Variants in OTOA observed in about 807,000 individuals in gnomAD.
OTOA encodes the protein cancer/testis antigen 108.
In OTOA, 70 loss-of-function variants were observed where a neutral mutation model predicts 110.8. That is an observed-to-expected ratio of 0.63 (90% CI 0.52 to 0.77). The LOEUF (loss-of-function observed/expected upper bound fraction) is 0.77. Among genes scored for constraint, OTOA ranks in the 30% least tolerant of loss-of-function variants. The pLI is 0.00. For missense variants in OTOA, 917 were observed against 1,075.8 expected (o/e 0.85, Z 2.06); for synonymous variants, 373 against 431.5 (o/e 0.86, Z 1.68).
At position 21,726,538 on chromosome 16, in the gene OTOA, T is replaced by C; in HGVS notation, c.1896T>C (p.Ala632=). The C allele has an allele frequency of 6.2e-7, 1 of 1,613,934 alleles. No homozygotes were observed. Among genetic ancestry groups the C allele is most frequent in the Non-Finnish European group, 8.5e-7 (1 of 1,180,026 alleles). Residue 632 remains alanine (A), a synonymous_variant, in exon 19 of 29, where the codon GCT becomes GCC. Coordinates refer to ENST00000646100, the MANE Select transcript of OTOA (RefSeq NM_144672.4). ...LLAALPARYL[A]SVPASQCVPF... is the part of the protein sequence containing the mutation. ...CTCTCTCCAGGGCCCGCTACCTGGC[T>C]TCTGTCCCAGCCTCCCAGTGTGTGC...
Position 21,697,789 on chromosome 16 carries a change from T to C in OTOA, c.754T>C (p.Trp252Arg). ...SSNATDDSAS[W>R]VSAEHLWVLG... ...ATTTTTTGTAGATGACTCTGCTTCA[T>C]GGGTCAGTGCGGAACACTTATGGGT... is the stretch of plus-strand genomic sequence containing the variant. Residue 252 changes from tryptophan (W) to arginine (R), a missense_variant, in exon 10 of 29, where the codon TGG becomes CGG. Trp to Arg is a moderately radical substitution (Grantham distance 101). Around this residue, in one of 6 missense-constraint regions of OTOA, gnomAD observed 840 missense variants for 910.2 expected, o/e 0.92. Coordinates refer to ENST00000646100, the MANE Select transcript of OTOA (RefSeq NM_144672.4). The C allele has an allele frequency of 6.2e-7, 1 of 1,614,128 alleles. No homozygotes were observed.
At chr16:21,729,635 C>G (rs796764079) in intron 20 of OTOA, 23 of 152,318 alleles carry the variant, frequency 1.5e-4, no homozygotes, top group African/African-American at 5.5e-4. Flanking sequence ...AGTATTTTCA[C>G]TGCCCTAAAA....
chr16:21,685,495 C>T (rs952949448), intron 7 of OTOA, 134 bp downstream of exon 7: 20 of 1,279,710 alleles, frequency 1.6e-5, no homozygotes, highest in Non-Finnish European at 1.9e-5. Context: ...CTCCTCCAAC[C>T]CCCTGGGGGC....
chr16:21,717,783 G>A (rs952353706), intron 15 of OTOA, among the ~76,000 whole-genome samples: 4 of 152,046 alleles, frequency 2.6e-5, no homozygotes, highest in South Asian at 2.1e-4. Flanking sequence ...CCAACAGTGC[G>A]CCAGGCACTG....
rs549632699 is a variant in OTOA, at chr16:21,711,743, A to G, written c.1320+1640A>G. Among the ~76,000 whole-genome samples, 54 of 152,224 alleles carry G rather than the reference A, an allele frequency of 3.5e-4. No individual in the cohort carries two copies. The South Asian group carries it at 0.011, about 31-fold the overall frequency. ...CAGCCTCCCAAAGTGCTGGGATTAC[A>G]GGCATTAGCCACCGTGCCTGGCTTT... On this transcript the variant is annotated intron_variant, in intron 13 of 28. Coordinates refer to ENST00000646100, the MANE Select transcript of OTOA (RefSeq NM_144672.4).
chr16:21,729,458 T>C (rs1450161842), intron 20 of OTOA: 2 of 152,156 alleles, frequency 1.3e-5, no homozygotes, highest in South Asian at 4.1e-4. Context: ...CCCACCAAAG[T>C]TGTACATTTG....
chr16:21,686,770 G>A (rs1235724483), intron 7 of OTOA, among the ~76,000 whole-genome samples: 1 of 152,164 alleles, frequency 6.6e-6, no homozygotes, highest in East Asian at 1.9e-4. Context: ...GTGTGTGCCT[G>A]TAGTCCCAGC....
In OTOA at chr16:21,746,907, A is replaced by G. The variant is rs1253171107; in HGVS notation, c.2775+1871A>G. On this transcript the variant is annotated intron_variant, in intron 24 of 28. Coordinates refer to ENST00000646100, the MANE Select transcript of OTOA (RefSeq NM_144672.4). Reference sequence around the variant, plus strand: ...TTTGTAATCACGGTGGCCATGTTTCATAACTCTGAGTGGCACCATTCAAAC... The same window carrying G: ...TTTGTAATCACGGTGGCCATGTTTCGTAACTCTGAGTGGCACCATTCAAAC... 2.0e-5 allele frequency among the ~76,000 whole-genome samples: 3 copies of G among 152,422 alleles called. No individual in the cohort carries two copies. The South Asian group carries it at 6.2e-4, about 32-fold the overall frequency.
intron 21 of OTOA, among the ~76,000 whole-genome samples, chr16:21,732,865 A>G (rs1226051392): frequency 1.4e-5 from 2 of 141,634 alleles, no homozygotes; most frequent in Non-Finnish European, 3.1e-5. Context: ...GGGACTTATT[A>G]TTTATATTGT....
intron 24 of OTOA, among the ~76,000 whole-genome samples, chr16:21,749,468 G>A (rs1399142906): frequency 6.8e-6 from 1 of 146,388 alleles, no homozygotes; most frequent in Non-Finnish European, 1.5e-5. Flanking sequence ...GATGGAGGTT[G>A]CAGTAAGCCA....
rs57835405 is a variant in OTOA, at chr16:21,720,896, CATTATT to C, written c.1806+1413_1806+1418del. On this transcript the variant is annotated intron_variant, in intron 17 of 28. Transcript: ENST00000646100. ...TCTCGTTTATATTTTTACTAAAACA[CATTATT>C]ATTATTATTATTATTATTATCATTA... is the stretch of plus-strand genomic sequence containing the variant. 1.1e-3 allele frequency among the ~76,000 whole-genome samples: 165 copies of C among 147,196 alleles called. 1 individual carries two copies. The highest frequency in any genetic ancestry group is 3.5e-3 in the African/African-American group (141 of 40,096).
At chr16:21,683,616 G>A (rs952328486) in intron 6 of OTOA, among the ~76,000 whole-genome samples, 9 of 151,970 alleles carry the variant, frequency 5.9e-5, no homozygotes, top group Admixed American at 1.3e-4. Context: ...TGAGGCAGGA[G>A]GATTGCTTGA....
chr16:21,753,141 T>G lies in OTOA; in HGVS notation c.3153+17T>G. 1 of 669,426 alleles carries G rather than the reference T, an allele frequency of 1.5e-6. No individual in the cohort carries two copies. The highest frequency in any genetic ancestry group is 2.7e-6 in the Non-Finnish European group (1 of 369,490). The allele number at this position is 669,426 out of a possible 1,614,324, so 41.5% of individuals were successfully genotyped here. ...ATATTCAAAGTAGGTGCTCAGTTCT[T>G]CAAGGAGAAATGGGAGCTTGACCCC... On this transcript the variant is annotated intron_variant, in intron 27 of 28. Transcript: ENST00000646100.
At chr16:21,683,854 C>T (rs1198936268) in intron 6 of OTOA, among the ~76,000 whole-genome samples, 1 of 151,220 alleles carries the variant, frequency 6.6e-6, no homozygotes, top group Non-Finnish European at 1.5e-5. Flanking sequence ...CCACAACCTC[C>T]TCCTCCCAGG....
chr16:21,724,645 T>C (rs1417972810), intron 18 of OTOA, among the ~76,000 whole-genome samples: 2 of 152,156 alleles, frequency 1.3e-5, no homozygotes, highest in African/African-American at 4.8e-5. Context: ...GATCTTGGCA[T>C]GGCACTTCTA....
At chr16:21,714,629 A>G (rs894738591) in intron 13 of OTOA, among the ~76,000 whole-genome samples, 1 of 151,874 alleles carries the variant, frequency 6.6e-6, no homozygotes, top group Non-Finnish European at 1.5e-5. Context: ...CTCCTGCCTC[A>G]GCCTCCCAAG....
intron 17 of OTOA, chr16:21,721,267 A>ACACG (rs1898729420): frequency 2.2e-6 from 1 of 453,402 alleles, no homozygotes; most frequent in African/African-American, 2.0e-5. Flanking sequence ...ACACACACAC[A>ACACG]CACACACACA....
intron 1 of OTOA, among the ~76,000 whole-genome samples, chr16:21,677,521 G>A (rs1240168204): frequency 3.1e-5 from 4 of 129,936 alleles, no homozygotes; most frequent in South Asian, 2.3e-4. Flanking sequence ...TTGCTCTGTC[G>A]CCCAGGCTGG....
chr16:21,691,511 C>A, intron 8 of OTOA, 73 bp from the exon 9 acceptor site: 1 of 1,249,748 alleles, frequency 8.0e-7, no homozygotes. Context: ...GTCACATTTG[C>A]TGTTGTGACT....
Sources: allele counts gnomAD v4.1 joint callset (sites outside exome capture counted in the v4.1 genomes callset), GRCh38; gene constraint gnomAD v4.1.1; regional missense constraint gnomAD v4.1.1; transcripts MANE v1.5; gene names NCBI Gene and HGNC (gene_info 2026-07-23, HGNC 2026-07-21).